Variants in CYP24A1 observed in about 807,000 individuals in gnomAD.
The protein encoded by CYP24A1 is 1,25-dihydroxyvitamin D(3) 24-hydroxylase, mitochondrial.
In CYP24A1, 68 loss-of-function variants were observed where a neutral mutation model predicts 62.4. The observed-to-expected ratio is 1.09, with a 90% CI of 0.90 to 1.33. CYP24A1 has a LOEUF of 1.33. Ranked by LOEUF, CYP24A1 falls within the 40% of genes most tolerant of loss-of-function variation. CYP24A1 has a pLI of 0.00. For missense variants in CYP24A1, 787 were observed against 653.0 expected, an observed-to-expected ratio of 1.21 and a Z score of -2.24; for synonymous variants, 267 against 253.0, an observed-to-expected ratio of 1.06 and a Z score of -0.52.
chr20:54,162,559 G>T lies in CYP24A1; in HGVS notation c.990+158C>A, dbSNP rs1005798865. ...GCACCGTGGCATAGATGCTGTGCGC[G>T]GAGGCACCGTGGCATCTAGTATGAG... On this transcript the variant is annotated intron_variant, in intron 7 of 11. Coordinates refer to ENST00000216862, the MANE Select transcript of CYP24A1 (RefSeq NM_000782.5). 30 of 672,010 alleles carry T rather than the reference G, an allele frequency of 4.5e-5. No individual in the cohort carries two copies. The African/African-American group carries it at 4.7e-4, about 11-fold the overall frequency. The allele number at this position is 672,010 out of a possible 1,614,324, so 41.6% of individuals were successfully genotyped here.
intron 5 of CYP24A1, among the ~76,000 whole-genome samples, chr20:54,165,091 A>G (rs973465439): frequency 6.6e-6 from 1 of 152,254 alleles, no homozygotes; most frequent in African/African-American, 2.4e-5. Context: ...TCTTTATGTT[A>G]CGTGCATATA....
At position 54,173,391 on chromosome 20, in the gene CYP24A1, G is replaced by A; in HGVS notation, c.189C>T (p.Ser63=). The A allele has an allele frequency of 6.3e-7, 1 of 1,590,912 alleles. No homozygotes were observed. Among genetic ancestry groups the A allele is most frequent in the Non-Finnish European group, 8.6e-7 (1 of 1,166,732 alleles). ...QNAAALPGPT[S]WPLLGSLLQI... ...GCAGCAGGCTGCCCAGCAGTGGCCAGCTGGTGGGGCCCGGCAGGGCGGCCG... is the reference window on the plus strand; with the variant it reads ...GCAGCAGGCTGCCCAGCAGTGGCCAACTGGTGGGGCCCGGCAGGGCGGCCG... Residue 63 remains serine, a synonymous_variant, in exon 1 of 12, where the codon AGC becomes AGT. Transcript: ENST00000216862. The surrounding 1 kb of genome is among the most constrained non-coding windows in gnomAD (Gnocchi z 7.2).
chr20:54,149,095 T>TA (rs1431342410), downstream of CYP24A1, among the ~76,000 whole-genome samples: 1 of 152,248 alleles, frequency 6.6e-6, no homozygotes, highest in Non-Finnish European at 1.5e-5. Flanking sequence ...ATGCTTGGCT[T>TA]ACAGATCTTC....
chr20:54,165,954 A>C, intron 4 of CYP24A1, 121 bp from the exon 5 acceptor site: 1 of 751,874 alleles, frequency 1.3e-6, no homozygotes, highest in Non-Finnish European at 2.4e-6. Flanking sequence ...TTCTGAGAAA[A>C]GGCAACAGTC....
intron 3 of CYP24A1, among the ~76,000 whole-genome samples, chr20:54,171,105 A>G (rs2092692252): frequency 6.6e-6 from 1 of 152,050 alleles, no homozygotes; most frequent in Admixed American, 6.5e-5. Flanking sequence ...GCCTTCCCCC[A>G]CTTTCTCTGC....
the CYP24A1 span, among the ~76,000 whole-genome samples, chr20:54,147,577 A>C: frequency 3.3e-5 from 5 of 152,232 alleles, no homozygotes; most frequent in African/African-American, 1.2e-4. Context: ...GGTGCATCTC[A>C]TCCCACAACT....
chr20:54,173,203 C>T lies in CYP24A1; in HGVS notation c.259-104G>A, dbSNP rs879038172. 94 of 1,532,336 alleles carry T rather than the reference C, an allele frequency of 6.1e-5. 2 individuals carry two copies. The South Asian group carries it at 1.0e-3, about 17-fold the overall frequency. 94.9% of individuals were successfully genotyped at this position (1,532,336 alleles called of 1,614,324 possible). ...TTCCTCCTAGGGGACCGGGGACCCTCCCTGCCCAGACGCCGAAGCGCACCA... is the reference window on the plus strand; with the variant it reads ...TTCCTCCTAGGGGACCGGGGACCCTTCCTGCCCAGACGCCGAAGCGCACCA... On this transcript the variant is annotated intron_variant, in intron 1 of 11. Coordinates refer to ENST00000216862, the MANE Select transcript of CYP24A1 (RefSeq NM_000782.5). The surrounding 1 kb of genome is among the most constrained non-coding windows in gnomAD (Gnocchi z 7.2).
intron 5 of CYP24A1, among the ~76,000 whole-genome samples, chr20:54,165,263 A>G (rs958412736): frequency 2.0e-5 from 3 of 152,182 alleles, no homozygotes; most frequent in African/African-American, 7.2e-5. Flanking sequence ...CAGGAGTGTG[A>G]ACCCTATTGT....
rs1342631150 is a variant in CYP24A1, at chr20:54,165,906, T to G, written c.641-73A>C. On this transcript the variant is annotated intron_variant, in intron 4 of 11. Transcript: ENST00000216862. ...TTGGAGTCTATGTTTAGCTGGTTAT[T>G]AAAGACTCAATTCTATGCCTCTTAA... The G allele has an allele frequency of 4.6e-6, 4 of 873,320 alleles. No individual in the cohort carries two copies. The African/African-American group carries it at 6.5e-5, about 14-fold the overall frequency. The allele number at this position is 873,320 out of a possible 1,614,324, so 54.1% of individuals were successfully genotyped here. A position where few individuals can be genotyped will look rare whatever the true frequency, so the allele number is the denominator to read the frequency against.
chr20:54,157,641 G>A, intron 9 of CYP24A1, 56 bp from the exon 10 acceptor site: 1 of 1,025,362 alleles, frequency 9.8e-7, no homozygotes. Context: ...ACCTTTGAAT[G>A]GCAAAATTGA....
intron 2 of CYP24A1, chr20:54,171,887 C>T (rs1300517302): frequency 1.7e-6 from 2 of 1,204,750 alleles, no homozygotes; most frequent in Admixed American, 5.6e-5. Context: ...CACCTTTCCT[C>T]CTAGTCAAAG....
At chr20:54,162,663 C>G (rs946592997) in intron 7 of CYP24A1, 54 bp downstream of exon 7, 8 of 1,116,334 alleles carry the variant, frequency 7.2e-6, no homozygotes, top group Non-Finnish European at 9.5e-6. Context: ...AATCTGTCAT[C>G]TAAAAATGGT....
intron 7 of CYP24A1, 101 bp from the exon 8 acceptor site, chr20:54,159,224 GTA>G: frequency 1.1e-6 from 1 of 922,458 alleles, no homozygotes. Context: ...TTCTGCAAAT[GTA>G]TCAGTGAAGC....
intron 2 of CYP24A1, chr20:54,172,659 G>C (rs2092697861): frequency 1.3e-6 from 1 of 765,776 alleles, no homozygotes; most frequent in South Asian, 1.9e-5. Flanking sequence ...TCTTTGATGG[G>C]AGGGTGTGGC....
At chr20:54,167,827 C>T (rs2092677609) in intron 4 of CYP24A1, among the ~76,000 whole-genome samples, 1 of 152,142 alleles carries the variant, frequency 6.6e-6, no homozygotes, top group Non-Finnish European at 1.5e-5. Flanking sequence ...ATATTTCTGA[C>T]CTTGAATTTA....
At position 54,161,964 on chromosome 20, in the gene CYP24A1, C is replaced by T. The variant is rs75471499; in HGVS notation, c.990+753G>A. Among the ~76,000 whole-genome samples, 453 of 152,300 alleles carry T rather than the reference C, an allele frequency of 3.0e-3. 5 individuals are homozygous for T. Among genetic ancestry groups the T allele is most frequent in the Admixed American group, 0.023 (351 of 15,308 alleles). The stretch of plus-strand genomic sequence containing the variant: ...TTGGACTTAGGAGGAGGTTAGCGTG[C>T]GCCACTCCCATCACAGCTCGAACTA... On this transcript the variant is annotated intron_variant, in intron 7 of 11. Coordinates refer to ENST00000216862, the MANE Select transcript of CYP24A1 (RefSeq NM_000782.5).
chr20:54,157,382 T>C lies in CYP24A1; in HGVS notation c.1434+6A>G. ...ACATAATTGCAGAAACCGGTAAAGGTTTTACCCAACAAAGAGCCAAATGCA... is the reference window on the plus strand; with the variant it reads ...ACATAATTGCAGAAACCGGTAAAGGCTTTACCCAACAAAGAGCCAAATGCA... On this transcript the variant is annotated splice_donor_region_variant and intron_variant, in intron 10 of 11. Transcript: ENST00000216862. 6.4e-7 allele frequency: 1 copy of C among 1,566,422 alleles called. No individual in the cohort carries two copies. The highest frequency in any genetic ancestry group is 1.1e-5 in the South Asian group (1 of 90,174).
intron 4 of CYP24A1, among the ~76,000 whole-genome samples, chr20:54,168,572 G>C (rs891211521): frequency 6.6e-6 from 1 of 152,006 alleles, no homozygotes; most frequent in Non-Finnish European, 1.5e-5. Context: ...TCCTCCACAG[G>C]TACCCTCATG....
chr20:54,144,418 T>A, the CYP24A1 span, among the ~76,000 whole-genome samples: 1 of 150,162 alleles, frequency 6.7e-6, no homozygotes, highest in South Asian at 2.1e-4. Context: ...CTTGGCTAAT[T>A]TTTTTTTTGA....
Sources: allele counts gnomAD v4.1 joint callset (sites outside exome capture counted in the v4.1 genomes callset), GRCh38; gene constraint gnomAD v4.1.1; non-coding constraint Gnocchi (gnomAD v3.1); transcripts MANE v1.5; gene names NCBI Gene and HGNC (gene_info 2026-07-23, HGNC 2026-07-21).